The following MCUB variants were observed in gnomAD, a reference collection of about 807,000 sequenced individuals.
The protein encoded by MCUB is calcium uniporter regulatory subunit MCUb, mitochondrial.
A neutral mutation model predicts 41.4 loss-of-function variants in MCUB; 46 were observed. That is an observed-to-expected ratio of 1.11 (90% CI 0.88 to 1.42). MCUB has a LOEUF of 1.42. Ranked by LOEUF, MCUB falls within the 40% of genes most tolerant of loss-of-function variation. The pLI is 0.00. For missense variants in MCUB, 403 were observed against 404.9 expected (o/e 1.00, Z 0.04); for synonymous variants, 148 against 148.2 (o/e 1.00, Z 0.01).
chr4:109,660,393 T>A, intron 3 of MCUB, 28 bp downstream of exon 3: 1 of 1,389,214 alleles, frequency 7.2e-7, no homozygotes, highest in Non-Finnish European at 1.0e-6. Flanking sequence ...TTTACAACTT[T>A]GTCCCAGGGT....
At chr4:109,603,322 C>T (rs1454274264) in intron 1 of MCUB, among the ~76,000 whole-genome samples, 1 of 152,208 alleles carries the variant, frequency 6.6e-6, no homozygotes, top group African/African-American at 2.4e-5. Flanking sequence ...GTCTCCGGCT[C>T]CTGACCTTGA....
intron 1 of MCUB, among the ~76,000 whole-genome samples, chr4:109,591,466 G>A (rs765542456): frequency 1.3e-5 from 2 of 151,978 alleles, no homozygotes; most frequent in Non-Finnish European, 2.9e-5. Context: ...GATTACAGGC[G>A]TGAGCCACCA....
chr4:109,613,061 A>C (rs371230646), intron 1 of MCUB, among the ~76,000 whole-genome samples: 14 of 151,818 alleles, frequency 9.2e-5, no homozygotes, highest in Non-Finnish European at 1.8e-4. Flanking sequence ...AGCCGAGATC[A>C]CACCACTGCA....
At chr4:109,614,526 C>T (rs934900831) in intron 1 of MCUB, among the ~76,000 whole-genome samples, 1 of 151,436 alleles carries the variant, frequency 6.6e-6, no homozygotes, top group Non-Finnish European at 1.5e-5. Context: ...GAAGATGACC[C>T]ACACCAGAAC....
intron 7 of MCUB, among the ~76,000 whole-genome samples, chr4:109,687,165 A>G (rs1291982152): frequency 6.6e-6 from 1 of 152,096 alleles, no homozygotes; most frequent in African/African-American, 2.4e-5. Flanking sequence ...GACCAGCCAG[A>G]GCAACATGGC....
intron 1 of MCUB, among the ~76,000 whole-genome samples, chr4:109,581,621 G>A (rs991902166): frequency 1.7e-4 from 26 of 152,162 alleles, no homozygotes; most frequent in South Asian, 6.2e-4. Context: ...GAAAATTTTC[G>A]CAACCTACTT....
intron 1 of MCUB, among the ~76,000 whole-genome samples, chr4:109,654,117 GT>G (rs11322898): frequency 0.71 from 107,254 of 150,820 alleles, 38,771 homozygotes; most frequent in African/African-American, 0.86. Context: ...TAAATGTGTT[GT>G]TTTTTTTTTC....
intron 1 of MCUB, among the ~76,000 whole-genome samples, chr4:109,597,364 G>C (rs1429988902): frequency 2.0e-5 from 3 of 147,476 alleles, no homozygotes; most frequent in Admixed American, 6.7e-5. Flanking sequence ...GCGGGGGGCT[G>C]ACCCCCCCAC....
chr4:109,620,768 C>A (rs1484742132), intron 1 of MCUB, among the ~76,000 whole-genome samples: 2 of 152,130 alleles, frequency 1.3e-5, no homozygotes, highest in Non-Finnish European at 2.9e-5. Flanking sequence ...CACAAAGCCT[C>A]TTCCCCTAAG....
chr4:109,595,665 A>G (rs1287067427), intron 1 of MCUB, among the ~76,000 whole-genome samples: 3 of 152,286 alleles, frequency 2.0e-5, no homozygotes, highest in Non-Finnish European at 2.9e-5. Context: ...CAGCATAGAG[A>G]GAGATTTCCA....
At chr4:109,644,343 A>G (rs1284328380) in intron 1 of MCUB, among the ~76,000 whole-genome samples, 2 of 152,184 alleles carry the variant, frequency 1.3e-5, no homozygotes, top group African/African-American at 2.4e-5. Context: ...CCACAATCCC[A>G]CTAACTCCTG....
chr4:109,582,850 T>C (rs1727216095), intron 1 of MCUB, among the ~76,000 whole-genome samples: 1 of 152,224 alleles, frequency 6.6e-6, no homozygotes, highest in Non-Finnish European at 1.5e-5. Flanking sequence ...CTTGTTTTTG[T>C]CAGGTTTGTC....
At position 109,615,437 on chromosome 4, in the gene MCUB, G is replaced by A. The variant is rs900344961; in HGVS notation, c.100-43574G>A. Among the ~76,000 whole-genome samples the A allele has an allele frequency of 6.9e-4, 100 of 145,066 alleles. 1 individual carries two copies. The highest frequency in any genetic ancestry group is 2.4e-3 in the African/African-American group (92 of 38,690). On this transcript the variant is annotated intron_variant, in intron 1 of 7. Transcript: ENST00000394650. ...TTTTTTTTTTTTGAGACGGAGTCTC[G>A]CTCTAGCTCCCAGGCTGGAGTGCAG...
At chr4:109,597,292 C>T (rs1489672543) in intron 1 of MCUB, among the ~76,000 whole-genome samples, 4 of 152,074 alleles carry the variant, frequency 2.6e-5, no homozygotes, top group Non-Finnish European at 2.9e-5. Flanking sequence ...GGGCTCCTCA[C>T]TTCCCAGTAG....
chr4:109,597,313 G>A (rs1561221422), intron 1 of MCUB, among the ~76,000 whole-genome samples: 1 of 151,778 alleles, frequency 6.6e-6, no homozygotes, highest in South Asian at 2.1e-4. Flanking sequence ...GGGCGGCCGG[G>A]CAGAGGTGCC....
intron 1 of MCUB, among the ~76,000 whole-genome samples, chr4:109,656,354 C>CTTTTTTTTTTTT (rs752851425): frequency 8.0e-5 from 5 of 62,116 alleles, no homozygotes; most frequent in Admixed American, 2.6e-4. Flanking sequence ...TTACTCTCTA[C>CTTTTTTTTTTTT]TTTTTTTTTT....
At chr4:109,582,700 A>C (rs1235889435) in intron 1 of MCUB, among the ~76,000 whole-genome samples, 1 of 152,086 alleles carries the variant, frequency 6.6e-6, no homozygotes, top group Non-Finnish European at 1.5e-5. Flanking sequence ...TTATGGTTTT[A>C]GGTCTAACAT....
chr4:109,579,703 A>G (rs1047678398), intron 1 of MCUB, among the ~76,000 whole-genome samples: 3 of 152,186 alleles, frequency 2.0e-5, no homozygotes, highest in Non-Finnish European at 4.4e-5. Context: ...AAAGGCACCT[A>G]AGGATCAGTG....
chr4:109,606,266 T>C (rs1206491267), intron 1 of MCUB, among the ~76,000 whole-genome samples: 3 of 151,974 alleles, frequency 2.0e-5, no homozygotes, highest in African/African-American at 7.3e-5. Flanking sequence ...TGAGCCACTG[T>C]GCCTGGCCTG....
Sources: gnomAD v4.1 joint callset for allele counts (sites outside exome capture counted in the v4.1 genomes callset) on GRCh38, gnomAD v4.1.1 for gene constraint, MANE v1.5 for transcripts, NCBI Gene and HGNC (gene_info 2026-07-23, HGNC 2026-07-21) for gene names.